The following EYS variants were observed in gnomAD, a reference collection of about 807,000 sequenced individuals.
The protein encoded by EYS is protein eyes shut homolog.
A neutral mutation model predicts 282.1 loss-of-function variants in EYS; 250 were observed. The ratio of observed to expected loss-of-function variants is 0.89; its 90% CI spans 0.80 to 0.98. The LOEUF (loss-of-function observed/expected upper bound fraction) is 0.98, where lower values mean the gene tolerates loss of function less well. EYS is among the 50% of genes least tolerant of loss of function. EYS has a pLI of 0.00. For synonymous variants in EYS, 1,355 were observed against 1,282.9 expected (o/e 1.06, Z -1.20); for missense variants, 4,016 against 3,709.0 (o/e 1.08, Z -2.15).
At chr6:65,095,917 A>T (rs1774725844) in intron 12 of EYS, among the ~76,000 whole-genome samples, 1 of 151,060 alleles carries the variant, frequency 6.6e-6, no homozygotes, top group Non-Finnish European at 1.5e-5. Context: ...CACAACTTCC[A>T]TTCAACATAG....
At chr6:64,167,190 T>C (rs1764315070) in intron 31 of EYS, among the ~76,000 whole-genome samples, 1 of 152,146 alleles carries the variant, frequency 6.6e-6, no homozygotes, top group Non-Finnish European at 1.5e-5. Context: ...AATAAGAGAA[T>C]CATACCGCAA....
At chr6:64,890,510 G>A (rs755017693) in intron 18 of EYS, among the ~76,000 whole-genome samples, 1 of 152,028 alleles carries the variant, frequency 6.6e-6, no homozygotes, top group Non-Finnish European at 1.5e-5. Flanking sequence ...GCCAGCTGAC[G>A]CTTAAGGAAA....
intron 9 of EYS, among the ~76,000 whole-genome samples, chr6:65,348,148 G>A (rs899382846): frequency 6.6e-6 from 1 of 151,634 alleles, no homozygotes; most frequent in African/African-American, 2.4e-5. Flanking sequence ...GGACACCCAG[G>A]TTGCTTCAAA....
intron 11 of EYS, among the ~76,000 whole-genome samples, chr6:65,334,421 C>A (rs1461634405): frequency 6.6e-6 from 1 of 151,598 alleles, no homozygotes; most frequent in African/African-American, 2.4e-5. Context: ...GTGTGCACAA[C>A]CACACCTGGC....
At chr6:64,823,027 A>G (rs913166958) in intron 19 of EYS, among the ~76,000 whole-genome samples, 5 of 152,032 alleles carry the variant, frequency 3.3e-5, no homozygotes, top group African/African-American at 7.2e-5. Context: ...TGTGAATGAC[A>G]AAAACAAAGC....
chr6:64,771,730 C>A (rs1297930877), intron 22 of EYS, among the ~76,000 whole-genome samples: 4 of 151,736 alleles, frequency 2.6e-5, no homozygotes, highest in Admixed American at 6.6e-5. Flanking sequence ...GTCTAAAAGA[C>A]TTCTGCCTTA....
chr6:64,243,536 G>T (rs1766907199), intron 30 of EYS, among the ~76,000 whole-genome samples: 2 of 152,126 alleles, frequency 1.3e-5, no homozygotes, highest in African/African-American at 4.8e-5. Context: ...AAAGAAGGTA[G>T]GGGAAAAAGG....
intron 33 of EYS, among the ~76,000 whole-genome samples, chr6:64,025,822 C>A (rs566366766): frequency 3.3e-4 from 51 of 152,258 alleles, no homozygotes; most frequent in Non-Finnish European, 6.3e-4. Context: ...CAGGGTATGG[C>A]CCTCCACTTC....
At chr6:64,704,493 A>ATACTTATAATTATATTATAAT (rs1554195049) in intron 22 of EYS, among the ~76,000 whole-genome samples, 3 of 12,602 alleles carry the variant, frequency 2.4e-4, no homozygotes, top group East Asian at 1.4e-3. Context: ...TATAATTATA[A>ATACTTATAATTATATTATAAT]TATAATACTT....
chr6:64,601,935 C>T (rs987728557), intron 24 of EYS, among the ~76,000 whole-genome samples: 2 of 152,004 alleles, frequency 1.3e-5, no homozygotes, highest in African/African-American at 4.8e-5. Flanking sequence ...CTTGTTTATG[C>T]TGATACATCT....
At chr6:63,890,003 A>G (rs1773367229) in intron 35 of EYS, among the ~76,000 whole-genome samples, 1 of 152,346 alleles carries the variant, frequency 6.6e-6, no homozygotes, top group South Asian at 2.1e-4. Context: ...ACCAACAAAG[A>G]TCAAAAAAGA....
intron 2 of EYS, among the ~76,000 whole-genome samples, chr6:65,525,167 A>G (rs889693682): frequency 6.6e-6 from 1 of 151,970 alleles, no homozygotes; most frequent in Admixed American, 6.6e-5. Flanking sequence ...TTTTAAAGTC[A>G]TATGTTGAAA....
intron 36 of EYS, among the ~76,000 whole-genome samples, chr6:63,823,002 A>G (rs928785051): frequency 2.0e-5 from 3 of 152,172 alleles, no homozygotes; most frequent in Non-Finnish European, 2.9e-5. Flanking sequence ...ATTTGTAACT[A>G]TCTGATGACA....
At chr6:64,801,254 C>A (rs1774542430) in intron 22 of EYS, among the ~76,000 whole-genome samples, 1 of 151,988 alleles carries the variant, frequency 6.6e-6, no homozygotes, top group South Asian at 2.1e-4. Context: ...AAGCATTAAG[C>A]ACTAAAATTG....
chr6:64,370,270 T>A (rs1479140438), intron 29 of EYS, among the ~76,000 whole-genome samples: 1 of 152,192 alleles, frequency 6.6e-6, no homozygotes, highest in Non-Finnish European at 1.5e-5. Context: ...TTTCATTATC[T>A]ATTGTGATGT....
chr6:63,911,221 C>A (rs1164543790), intron 35 of EYS, among the ~76,000 whole-genome samples: 1 of 151,942 alleles, frequency 6.6e-6, no homozygotes, highest in East Asian at 1.9e-4. Flanking sequence ...TAGCAGTTGA[C>A]GCCAATAAAA....
At position 65,008,090 on chromosome 6, in the gene EYS, C is replaced by A. The variant is rs1431858134; in HGVS notation, c.2138-10387G>T. Among the ~76,000 whole-genome samples, 3 of 152,152 alleles carry A rather than the reference C, an allele frequency of 2.0e-5. No individual in the cohort carries two copies. In the East Asian group the frequency reaches 5.8e-4, roughly 29 times the overall value. On this transcript the variant is annotated intron_variant, in intron 13 of 42. Transcript: ENST00000503581. ...CCCAGTATAGGCCCTCACTGGGACA[C>A]AGACTCAGAACATGGAGATTGGTGC...
At chr6:63,887,417 G>A (rs1773291230) in intron 35 of EYS, among the ~76,000 whole-genome samples, 1 of 143,624 alleles carries the variant, frequency 7.0e-6, no homozygotes, top group Non-Finnish European at 1.5e-5. Flanking sequence ...TGAGACCAAA[G>A]CAGAAGGCCA....
At chr6:65,519,700 ATATATATATTTTTTT>A (rs1562237505) in intron 2 of EYS, among the ~76,000 whole-genome samples, 2 of 36,450 alleles carry the variant, frequency 5.5e-5, no homozygotes, top group African/African-American at 1.8e-4. Context: ...ATATATATAT[ATATATATATTTTTTT>A]TTTTTTTTTT....
Sources: gnomAD v4.1 joint callset for allele counts (sites outside exome capture counted in the v4.1 genomes callset) on GRCh38, gnomAD v4.1.1 for gene constraint, MANE v1.5 for transcripts, NCBI Gene and HGNC (gene_info 2026-07-23, HGNC 2026-07-21) for gene names.